The following SVIL variants were observed in gnomAD, a reference collection of about 807,000 sequenced individuals.
SVIL encodes archvillin.
A neutral mutation model predicts 240.4 loss-of-function variants in SVIL; 101 were observed. That is an observed-to-expected ratio of 0.42 (90% CI 0.36 to 0.50). The LOEUF (loss-of-function observed/expected upper bound fraction) is 0.50, where lower values mean the gene tolerates loss of function less well. Among genes scored for constraint, SVIL ranks in the 20% least tolerant of loss-of-function variants. SVIL has a pLI of 0.01. For synonymous variants in SVIL, 999 were observed against 1,100.0 expected (o/e 0.91, Z 1.82); for missense variants, 2,512 against 2,818.7 (o/e 0.89, Z 2.46).
At chr10:29,632,612 T>C (rs951834054) in intron 1 of SVIL, among the ~76,000 whole-genome samples, 2 of 152,302 alleles carry the variant, frequency 1.3e-5, no homozygotes, top group South Asian at 4.1e-4. Flanking sequence ...AAACAGTCTG[T>C]CTCCAAAGTA....
Position 29,458,584 on chromosome 10 carries a change from C to G in SVIL, c.6408G>C (p.Thr2136=). The change falls in exon 37 of 38, where the codon ACG becomes ACC. Residue 2136 remains threonine, a synonymous_variant. Transcript: ENST00000355867. ...CGAGGGTGATCTGATTGGAAACTTC[C>G]GTGTCCTAGAGAAGAGGAGGGGGCA... ...EDIAEITEMD[T]EVSNQITLVE... The G allele has an allele frequency of 6.2e-7, 1 of 1,612,306 alleles. No homozygotes were observed. Among genetic ancestry groups the G allele is most frequent in the Non-Finnish European group, 8.5e-7 (1 of 1,179,428 alleles).
At chr10:29,593,162 AAAAGAGATATTCTGTCATTTTATAGT>A (rs2132810704) in intron 1 of SVIL, among the ~76,000 whole-genome samples, 1 of 152,354 alleles carries the variant, frequency 6.6e-6, no homozygotes, top group African/African-American at 2.4e-5. Context: ...TGTTGAAAAA[AAAAGAGATATTCTGTCATTTTATAGT>A]AAAATCATAT....
intron 1 of SVIL, among the ~76,000 whole-genome samples, chr10:29,728,058 T>C (rs1964396862): frequency 6.6e-6 from 1 of 152,194 alleles, no homozygotes; most frequent in Non-Finnish European, 1.5e-5. Flanking sequence ...CAGAGGATCA[T>C]AAGTAGAAAG....
intron 2 of SVIL, among the ~76,000 whole-genome samples, chr10:29,658,647 A>C (rs143111228): frequency 6.6e-4 from 101 of 152,248 alleles, no homozygotes; most frequent in Non-Finnish European, 1.1e-3. Context: ...TCCCAGCTAC[A>C]TGGGAGGCCA....
chr10:29,643,950 C>T (rs925695766), intron 3 of SVIL: 13 of 516,640 alleles, frequency 2.5e-5, no homozygotes, highest in Middle Eastern at 3.3e-4. Context: ...AGTCCTGGCT[C>T]CAGAGACCCA....
At chr10:29,679,248 C>A (rs963032063) in intron 2 of SVIL, among the ~76,000 whole-genome samples, 3 of 152,126 alleles carry the variant, frequency 2.0e-5, no homozygotes, top group African/African-American at 7.2e-5. Context: ...GGGTTTAGAG[C>A]TGCTTGTAGG....
chr10:29,591,418 G>A (rs1351347231), intron 1 of SVIL, among the ~76,000 whole-genome samples: 1 of 152,156 alleles, frequency 6.6e-6, no homozygotes, highest in Non-Finnish European at 1.5e-5. Context: ...ATATAAAAGT[G>A]CTTTTGCTAT....
intron 3 of SVIL, among the ~76,000 whole-genome samples, chr10:29,652,288 AAAGGAATTATACAG>A (rs778588984): frequency 9.4e-4 from 143 of 152,154 alleles, no homozygotes; most frequent in Non-Finnish European, 1.7e-3. Flanking sequence ...ATTTCACATA[AAAGGAATTATACAG>A]TTTGTGTTCT....
chr10:29,479,838 C>A (rs61848917), intron 29 of SVIL, among the ~76,000 whole-genome samples: 1 of 152,154 alleles, frequency 6.6e-6, no homozygotes, highest in East Asian at 1.9e-4. Flanking sequence ...GACCTGCATG[C>A]TCTCCTAAAT....
intron 1 of SVIL, among the ~76,000 whole-genome samples, chr10:29,596,873 AAGGC>A (rs1456951073): frequency 1.4e-4 from 21 of 152,340 alleles, no homozygotes; most frequent in Non-Finnish European, 1.5e-4. Context: ...GGCTTTAATC[AAGGC>A]AGCTTCGTGT....
intron 1 of SVIL, among the ~76,000 whole-genome samples, chr10:29,702,711 C>A (rs1029512316): frequency 6.6e-6 from 1 of 152,212 alleles, no homozygotes; most frequent in East Asian, 1.9e-4. Context: ...AGACCTTTGA[C>A]CTTTGATGAC....
chr10:29,522,778 G>T, intron 15 of SVIL, 143 bp from the exon 16 acceptor site: 1 of 923,546 alleles, frequency 1.1e-6, no homozygotes, highest in Non-Finnish European at 1.6e-6. Context: ...ATGCAAATCT[G>T]CAGCACGCTA....
intron 2 of SVIL, among the ~76,000 whole-genome samples, chr10:29,666,084 AT>A (rs1299745461): frequency 3.9e-5 from 6 of 152,130 alleles, no homozygotes; most frequent in Admixed American, 6.5e-5. Flanking sequence ...TGCCTGGCTA[AT>A]TTTTTTATTT....
rs1012321963 is a variant in SVIL, at chr10:29,532,870, G to A, written c.1497C>T (p.Pro499=). ...HQKELENVAQ[P]PQAPHQPTER... ...CAGTGGGCTGGTGCGGAGCTTGAGGGGGTTGTGCCACGTTTTCCAGTTCCT... is the reference window on the plus strand; with the variant it reads ...CAGTGGGCTGGTGCGGAGCTTGAGGAGGTTGTGCCACGTTTTCCAGTTCCT... The change falls in exon 8 of 38, where the codon CCC becomes CCT. Residue 499 remains proline (P), a synonymous_variant. Transcript: ENST00000355867. The A allele has an allele frequency of 6.2e-7, 1 of 1,614,122 alleles. No individual in the cohort carries two copies. The highest frequency in any genetic ancestry group is 1.3e-5 in the African/African-American group (1 of 75,040).
chr10:29,638,216 C>G (rs991139232), upstream of SVIL, among the ~76,000 whole-genome samples: 1 of 152,154 alleles, frequency 6.6e-6, no homozygotes, highest in Non-Finnish European at 1.5e-5. Flanking sequence ...AATCCCAGAA[C>G]TTTGGGAGGC....
In SVIL at chr10:29,593,040, A is replaced by G. The variant is rs1033136915; in HGVS notation, c.-200-23728T>C. ...TTCAAGGTCACATTGAAAGCTATCA[A>G]ATATGGTGATCCAGGTTTAAATATT... On this transcript the variant is annotated intron_variant, in intron 1 of 37. Transcript: ENST00000355867. Among the ~76,000 whole-genome samples, 3 of 152,346 alleles carry G rather than the reference A, an allele frequency of 2.0e-5. No homozygotes were observed. In the East Asian group the frequency reaches 5.8e-4, roughly 29 times the overall value.
At chr10:29,570,856 G>A (rs1955372406) in intron 1 of SVIL, among the ~76,000 whole-genome samples, 1 of 152,208 alleles carries the variant, frequency 6.6e-6, no homozygotes, top group Non-Finnish European at 1.5e-5. Context: ...TTGGAGAAAT[G>A]TGTATAAGTA....
intron 17 of SVIL, among the ~76,000 whole-genome samples, chr10:29,507,502 C>T (rs780298077): frequency 1.3e-5 from 2 of 151,926 alleles, no homozygotes; most frequent in Non-Finnish European, 2.9e-5. Flanking sequence ...CACTTAAAGA[C>T]ACACACACAG....
At chr10:29,721,538 C>CA (rs34892414) in intron 1 of SVIL, among the ~76,000 whole-genome samples, 95 of 145,102 alleles carry the variant, frequency 6.5e-4, no homozygotes, top group South Asian at 1.5e-3. Context: ...AACACCAATC[C>CA]AAAAAAAAAA....
Sources: gnomAD v4.1 joint callset for allele counts (sites outside exome capture counted in the v4.1 genomes callset) on GRCh38, gnomAD v4.1.1 for gene constraint, MANE v1.5 for transcripts, NCBI Gene and HGNC (gene_info 2026-07-23, HGNC 2026-07-21) for gene names.